NXN: variants seen among roughly 807,000 people sequenced by gnomAD.
NXN encodes the protein nucleoredoxin, also known as nucleoredoxin 1.
A neutral mutation model predicts 48.6 loss-of-function variants in NXN; 16 were observed. The observed-to-expected ratio is 0.33, with a 90% CI of 0.22 to 0.50. The LOEUF (loss-of-function observed/expected upper bound fraction) is 0.50, where lower values mean the gene tolerates loss of function less well. Ranked by LOEUF, NXN falls within the 20% of genes least tolerant of loss-of-function variation. The pLI is 0.98. For missense variants in NXN, 492 were observed against 605.5 expected (o/e 0.81, Z 1.97); for synonymous variants, 281 against 269.6 (o/e 1.04, Z -0.41).
At chr17:882,131 G>GA (rs1217556046) in intron 1 of NXN, among the ~76,000 whole-genome samples, 2 of 152,124 alleles carry the variant, frequency 1.3e-5, no homozygotes, top group African/African-American at 4.8e-5. Flanking sequence ...ACAAGAAGGA[G>GA]AAAAAAATAA....
At chr17:925,713 C>CTCA (rs1340189597) in intron 1 of NXN, among the ~76,000 whole-genome samples, 2 of 152,138 alleles carry the variant, frequency 1.3e-5, no homozygotes, top group African/African-American at 4.8e-5. Flanking sequence ...GTTGTTGCTG[C>CTCA]TGTTAATGTC....
chr17:807,250 C>T (rs376501278), intron 5 of NXN, among the ~76,000 whole-genome samples: 6 of 152,194 alleles, frequency 3.9e-5, no homozygotes, highest in Non-Finnish European at 7.3e-5. Context: ...AAAATCCCCC[C>T]GGCAAGGTCC....
chr17:927,566 G>A (rs2068813313), intron 1 of NXN, among the ~76,000 whole-genome samples: 3 of 97,572 alleles, frequency 3.1e-5, no homozygotes, highest in South Asian at 3.6e-4. Flanking sequence ...GGTGACGGAA[G>A]TAAAACCTTG....
intron 6 of NXN, 36 bp downstream of exon 6, chr17:805,032 G>GCCCCCCCCC: frequency 1.7e-6 from 2 of 1,177,972 alleles, no homozygotes; most frequent in Admixed American, 2.2e-5. Flanking sequence ...CCGCCCCCCA[G>GCCCCCCCCC]CCACCCCTCG....
intron 1 of NXN, among the ~76,000 whole-genome samples, chr17:924,545 AT>A (rs2068780090): frequency 6.6e-6 from 1 of 152,110 alleles, no homozygotes; most frequent in Non-Finnish European, 1.5e-5. Flanking sequence ...CCGATTTTTA[AT>A]TTGTTGTTGT....
intron 1 of NXN, among the ~76,000 whole-genome samples, chr17:833,910 C>T (rs1357727091): frequency 1.3e-5 from 2 of 152,206 alleles, no homozygotes; most frequent in African/African-American, 4.8e-5. Context: ...AAAAATCTCA[C>T]TCTCCCCGCT....
chr17:827,907 GGGGATCT>G (rs1028281442), intron 1 of NXN, among the ~76,000 whole-genome samples: 1 of 152,186 alleles, frequency 6.6e-6, no homozygotes, highest in African/African-American at 2.4e-5. Flanking sequence ...GGGCAGGGCA[GGGGATCT>G]GCCACACAAT....
intron 1 of NXN, among the ~76,000 whole-genome samples, chr17:837,225 A>G (rs1913878540): frequency 6.6e-6 from 1 of 152,056 alleles, no homozygotes; most frequent in Non-Finnish European, 1.5e-5. Context: ...CGTTCCTCCC[A>G]TCTCAGACTC....
rs1010836712 is a variant in NXN at position 811,513 on chromosome 17, G to GC, written c.821-6267_821-6266insG. Among the ~76,000 whole-genome samples the GC allele has an allele frequency of 5.9e-5, 9 of 152,200 alleles. No homozygotes were observed. In the South Asian group the frequency reaches 1.0e-3, roughly 18 times the overall value. On this transcript the variant is annotated intron_variant, in intron 5 of 7. Coordinates refer to ENST00000336868, the MANE Select transcript of NXN (RefSeq NM_022463.5). Reference sequence around the variant, plus strand: ...GGCTGCGTAAAGCCCCGGGGTTGGGGGGGGGGCAGCACTCTGGAAGCCAGT... The same window carrying GC: ...GGCTGCGTAAAGCCCCGGGGTTGGGGCGGGGGGCAGCACTCTGGAAGCCAGT...
chr17:879,644 C>T (rs1409867940), intron 1 of NXN, among the ~76,000 whole-genome samples: 3 of 152,028 alleles, frequency 2.0e-5, no homozygotes, highest in Non-Finnish European at 4.4e-5. Context: ...GGAAAGGACA[C>T]GACTCATTGA....
chr17:823,675 C>A lies in NXN; in HGVS notation c.569G>T (p.Ser190Ile). 2.5e-6 allele frequency: 4 copies of A among 1,614,178 alleles called. No homozygotes were observed. The highest frequency in any genetic ancestry group is 1.3e-5 in the African/African-American group (1 of 75,052). ...GACGCCCACGTGAGACCCCTCCAGG[C>A]TGCTGCTCTCCAGAGACTGCCCATT... ...RNNGQSLESS[S>I]LEGSHVGVYF... is the part of the protein sequence containing the mutation. The change falls in exon 3 of 8, where the codon AGC becomes ATC. Residue 190 changes from serine to isoleucine, a missense_variant. By Grantham distance (142) the Ser-to-Ile change is moderately radical (BLOSUM62 -2). Coordinates refer to ENST00000336868, the MANE Select transcript of NXN (RefSeq NM_022463.5).
chr17:915,955 T>C (rs1038332008), intron 1 of NXN, among the ~76,000 whole-genome samples: 7 of 152,238 alleles, frequency 4.6e-5, no homozygotes, highest in African/African-American at 1.7e-4. Flanking sequence ...ATCGGTTCTG[T>C]GTTTTTGTTT....
intron 1 of NXN, among the ~76,000 whole-genome samples, chr17:861,092 T>C (rs906942457): frequency 3.3e-5 from 5 of 152,134 alleles, no homozygotes; most frequent in Non-Finnish European, 7.4e-5. Context: ...GAGTGCAACA[T>C]ATCAGTATCA....
chr17:955,690 A>C (rs147251300), intron 1 of NXN, among the ~76,000 whole-genome samples: 2 of 150,216 alleles, frequency 1.3e-5, no homozygotes, highest in East Asian at 4.1e-4. Context: ...AGGTCAGGAG[A>C]TTGAGACCAT....
chr17:875,750 G>A (rs1193803076), intron 1 of NXN, among the ~76,000 whole-genome samples: 2 of 145,650 alleles, frequency 1.4e-5, no homozygotes, highest in Admixed American at 6.9e-5. Context: ...ATGTGACCAT[G>A]CCTGGTAAAT....
intron 5 of NXN, among the ~76,000 whole-genome samples, chr17:808,331 C>T (rs1187987483): frequency 6.7e-6 from 1 of 148,362 alleles, no homozygotes; most frequent in East Asian, 2.0e-4. Flanking sequence ...TAGACGCAGT[C>T]TCCCTCTGCT....
chr17:848,696 C>G (rs939299501), intron 1 of NXN, among the ~76,000 whole-genome samples: 2 of 152,210 alleles, frequency 1.3e-5, no homozygotes, highest in African/African-American at 2.4e-5. Flanking sequence ...CCAAATGCCT[C>G]CTACTGAGAG....
chr17:803,567 A>T, intron 7 of NXN, 115 bp downstream of exon 7: 1 of 1,327,192 alleles, frequency 7.5e-7, no homozygotes, highest in Non-Finnish European at 1.0e-6. Context: ...CTCTCTCAGA[A>T]GCACAGGCAG....
chr17:802,769 G>A (rs516937), intron 7 of NXN, among the ~76,000 whole-genome samples: 81,514 of 152,004 alleles, frequency 0.54, 22,626 homozygotes, highest in East Asian at 0.79. Flanking sequence ...CAGGGCCGGG[G>A]GCTGAGGTGA....
Sources: gnomAD v4.1 joint callset for allele counts (sites outside exome capture counted in the v4.1 genomes callset) on GRCh38, gnomAD v4.1.1 for gene constraint, MANE v1.5 for transcripts, NCBI Gene and HGNC (gene_info 2026-07-23, HGNC 2026-07-21) for gene names.